Variants in IL12RB2 observed in about 807,000 individuals in gnomAD.
IL12RB2 encodes the protein interleukin 12 receptor subunit beta 2, also known as interleukin-12 receptor subunit beta-2.
IL12RB2 carries 82 observed loss-of-function variants against 89.4 expected under a neutral mutation model. That is an observed-to-expected ratio of 0.92 (90% CI 0.77 to 1.10). The LOEUF (loss-of-function observed/expected upper bound fraction) is 1.10, where lower values mean the gene tolerates loss of function less well. Ranked by LOEUF, IL12RB2 falls within the 50% of genes least tolerant of loss-of-function variation. IL12RB2 has a pLI of 0.00. For missense variants in IL12RB2, 963 were observed against 1,031.9 expected, an observed-to-expected ratio of 0.93 and a Z score of 0.92; for synonymous variants, 368 against 370.1, an observed-to-expected ratio of 0.99 and a Z score of 0.07.
intron 9 of IL12RB2, among the ~76,000 whole-genome samples, chr1:67,340,933 C>T (rs1278158116): frequency 6.6e-6 from 1 of 152,208 alleles, no homozygotes; most frequent in Non-Finnish European, 1.5e-5. Context: ...GGCTCCTACT[C>T]CTGCCAGGAC....
rs527331392 is a variant in IL12RB2 at position 67,309,544 on chromosome 1, T to C, written c.-125+1577T>C. 4.2e-3 allele frequency among the ~76,000 whole-genome samples: 640 copies of C among 152,334 alleles called. 3 individuals carry two copies. Among genetic ancestry groups the C allele is most frequent in the Non-Finnish European group, 6.1e-3 (417 of 68,032 alleles). On this transcript the variant is annotated intron_variant, in intron 1 of 16. Coordinates refer to ENST00000674203, the MANE Select transcript of IL12RB2 (RefSeq NM_001374259.2). ...GTGAAATCCTCAATACATTACACTA[T>C]CTGTTAGGCACAACAGCCTCCAGAA...
At chr1:67,335,818 G>A (rs1383077422) in intron 8 of IL12RB2, among the ~76,000 whole-genome samples, 1 of 152,140 alleles carries the variant, frequency 6.6e-6, no homozygotes, top group Non-Finnish European at 1.5e-5. Flanking sequence ...ACTTTTTAGA[G>A]ACTCATGCAG....
intron 10 of IL12RB2, among the ~76,000 whole-genome samples, chr1:67,361,545 A>C (rs1246262619): frequency 6.6e-6 from 1 of 152,220 alleles, no homozygotes; most frequent in African/African-American, 2.4e-5. Flanking sequence ...TTCGTAAAAT[A>C]GACATATCTG....
In IL12RB2 at chr1:67,388,868, T is replaced by C. The variant is rs138031985; in HGVS notation, c.1947-1161T>C. The stretch of plus-strand genomic sequence containing the variant: ...TAACTCAAAGTCATTCTACCAGCCA[T>C]TGAACTTGTCTAACAGGCTGTACAT... On this transcript the variant is annotated intron_variant, in intron 15 of 16. Coordinates refer to ENST00000674203, the MANE Select transcript of IL12RB2 (RefSeq NM_001374259.2). 5.6e-3 allele frequency among the ~76,000 whole-genome samples: 859 copies of C among 152,318 alleles called. 7 individuals carry two copies. Among genetic ancestry groups the C allele is most frequent in the Middle Eastern group, 0.02 (6 of 294 alleles).
At chr1:67,343,992 G>A (rs1268033943) in intron 9 of IL12RB2, among the ~76,000 whole-genome samples, 2 of 152,208 alleles carry the variant, frequency 1.3e-5, no homozygotes, top group Non-Finnish European at 2.9e-5. Flanking sequence ...CTCATGTCCT[G>A]GAGCTCACAG....
chr1:67,326,912 A>G (rs1248994505), intron 5 of IL12RB2, 63 bp downstream of exon 5: 5 of 1,283,632 alleles, frequency 3.9e-6, no homozygotes, highest in Non-Finnish European at 5.0e-6. Flanking sequence ...ACATTTAGAA[A>G]TATCTGTTTT....
intron 8 of IL12RB2, among the ~76,000 whole-genome samples, chr1:67,331,755 C>A (rs1224499162): frequency 1.3e-5 from 2 of 152,176 alleles, no homozygotes; most frequent in African/African-American, 2.4e-5. Flanking sequence ...AGGAGAATCA[C>A]TTGAACCCAG....
intron 10 of IL12RB2, among the ~76,000 whole-genome samples, chr1:67,367,438 AGAAGGAAGGAAGGAAAGGAACGAGG>A (rs1240770933): frequency 7.6e-6 from 1 of 132,382 alleles, no homozygotes; most frequent in Non-Finnish European, 1.6e-5. Context: ...AGAAAAAGAA[AGAAGGAAGGAAGGAAAGGAACGAGG>A]GAAGGAAGGA....
intron 9 of IL12RB2, among the ~76,000 whole-genome samples, chr1:67,350,015 T>C (rs1432983791): frequency 1.3e-5 from 2 of 152,106 alleles, no homozygotes; most frequent in African/African-American, 4.8e-5. Context: ...CTGACTACAG[T>C]GTGTCTTTCA....
At position 67,397,310 on chromosome 1, in the gene IL12RB2, C is replaced by T. The variant is rs1038509996; in HGVS notation, c.*1221C>T. On this transcript the variant is annotated 3_prime_UTR_variant, in exon 17 of 17. Coordinates refer to ENST00000674203, the MANE Select transcript of IL12RB2 (RefSeq NM_001374259.2). ...GCCTCCCACTCTGAATCTCGGGTGT[C>T]TTGTAAAGGGCTGGACCAAAGGCTC... Among the ~76,000 whole-genome samples, 5 of 152,090 alleles carry T rather than the reference C, an allele frequency of 3.3e-5. No individual in the cohort carries two copies. The highest frequency in any genetic ancestry group is 7.2e-5 in the African/African-American group (3 of 41,420).
chr1:67,362,520 T>C (rs978724199), intron 10 of IL12RB2, among the ~76,000 whole-genome samples: 3 of 136,682 alleles, frequency 2.2e-5, no homozygotes, highest in African/African-American at 5.6e-5. Context: ...GAGCCGAGAT[T>C]GCGCCACTGC....
chr1:67,369,070 G>A (rs1663010601), intron 11 of IL12RB2, among the ~76,000 whole-genome samples: 1 of 152,140 alleles, frequency 6.6e-6, no homozygotes, highest in Non-Finnish European at 1.5e-5. Flanking sequence ...GAAATAAATA[G>A]CACACTGCAT....
intron 10 of IL12RB2, among the ~76,000 whole-genome samples, chr1:67,353,849 T>C (rs1382419923): frequency 1.3e-5 from 2 of 152,256 alleles, no homozygotes; most frequent in African/African-American, 4.8e-5. Flanking sequence ...CAAACCTCAC[T>C]GCAGATGGGT....
intron 9 of IL12RB2, among the ~76,000 whole-genome samples, chr1:67,348,401 G>A (rs1051589646): frequency 2.0e-5 from 3 of 152,172 alleles, no homozygotes; most frequent in Non-Finnish European, 4.4e-5. Flanking sequence ...CGTCATAACA[G>A]AGGGAACATT....
At chr1:67,394,495 AC>A (rs1666158873) in intron 16 of IL12RB2, among the ~76,000 whole-genome samples, 1 of 152,194 alleles carries the variant, frequency 6.6e-6, no homozygotes, top group Admixed American at 6.5e-5. Flanking sequence ...TAATTAAGTA[AC>A]AAAAGTATAA....
At chr1:67,315,305 AT>A (rs34184153) in intron 2 of IL12RB2, among the ~76,000 whole-genome samples, 1 of 152,146 alleles carries the variant, frequency 6.6e-6, no homozygotes, top group East Asian at 1.9e-4. Flanking sequence ...TCATATGAGT[AT>A]TTTACTATTT....
chr1:67,313,658 C>T (rs2100527921), intron 1 of IL12RB2, among the ~76,000 whole-genome samples: 1 of 152,226 alleles, frequency 6.6e-6, no homozygotes, highest in Non-Finnish European at 1.5e-5. Context: ...CCCATCTCTA[C>T]TAAAAATACA....
At chr1:67,392,869 C>T (rs950808011) in intron 16 of IL12RB2, among the ~76,000 whole-genome samples, 2 of 152,024 alleles carry the variant, frequency 1.3e-5, no homozygotes, top group African/African-American at 4.8e-5. Context: ...AGTGATCCAC[C>T]CGCCTCAGCC....
intron 7 of IL12RB2, 67 bp downstream of exon 7, chr1:67,329,796 CTTTTCATACA>C: frequency 9.5e-7 from 1 of 1,053,388 alleles, no homozygotes; most frequent in Non-Finnish European, 1.5e-6. Flanking sequence ...AGACCTCTGT[CTTTTCATACA>C]GCAAAAAATA....
Sources: gnomAD v4.1 joint callset for allele counts (sites outside exome capture counted in the v4.1 genomes callset) on GRCh38, gnomAD v4.1.1 for gene constraint, MANE v1.5 for transcripts, NCBI Gene and HGNC (gene_info 2026-07-23, HGNC 2026-07-21) for gene names.